Variants in CCDC50 observed in about 807,000 individuals in gnomAD.
CCDC50 encodes the protein coiled-coil domain containing 50, also known as coiled-coil domain-containing protein 50.
A neutral mutation model predicts 70.2 loss-of-function variants in CCDC50; 54 were observed. The ratio of observed to expected loss-of-function variants is 0.77; its 90% confidence interval spans 0.62 to 0.96. The LOEUF is 0.96. Among genes scored for constraint, CCDC50 ranks in the 50% least tolerant of loss-of-function variants. The pLI, the probability that CCDC50 is intolerant of heterozygous loss-of-function variation, is 0.00. For missense variants in CCDC50, 558 were observed against 578.7 expected, an observed-to-expected ratio of 0.96 and a Z score of 0.37; for synonymous variants, 216 against 198.8, an observed-to-expected ratio of 1.09 and a Z score of -0.73.
In CCDC50 at chr3:191,389,561, G is replaced by A. The variant is rs778379487; in HGVS notation, c.1388G>A (p.Ser463Asn). The A allele has an allele frequency of 1.9e-6, 3 of 1,614,040 alleles. No homozygotes were observed. In the South Asian group the frequency reaches 3.3e-5, roughly 18 times the overall value. ...ADYTHFTNQQ[S>N]STRHFSKSES... is the part of the protein sequence containing the mutation. The stretch of plus-strand genomic sequence containing the variant: ...TACACTCATTTTACAAACCAGCAGA[G>A]TTCCACACGGCATTTCTCAAAATCA... Residue 463 changes from serine to asparagine, a missense_variant, in exon 11 of 12, where the codon AGT (serine) becomes AAT (asparagine). Physicochemically the swap from Ser to Asn is conservative, Grantham distance 46. Transcript: ENST00000392455.
chr3:191,390,268 T>C (rs184244095), intron 11 of CCDC50, among the ~76,000 whole-genome samples: 42 of 152,192 alleles, frequency 2.8e-4, no homozygotes, highest in Admixed American at 5.2e-4. Flanking sequence ...ATTTAAAATA[T>C]GCATGCACAC....
In CCDC50 at chr3:191,329,401, G is replaced by A; in HGVS notation, c.-274G>A. The A allele has an allele frequency of 2.4e-6, 1 of 413,510 alleles. No homozygotes were observed. The highest frequency in any genetic ancestry group is 4.3e-5 in the East Asian group (1 of 23,164). The allele number at this position is 413,510 out of a possible 1,614,324, so 25.6% of individuals were successfully genotyped here. A position where few individuals can be genotyped will look rare whatever the true frequency, so the allele number is the denominator to read the frequency against. The stretch of plus-strand genomic sequence containing the variant: ...ACTGGACGGCCCCGGTCCATTTCCG[G>A]GCTCCGGATATTTGGTATCGATTGG... On this transcript the variant is annotated 5_prime_UTR_variant, in exon 1 of 12. Coordinates refer to ENST00000392455, the MANE Select transcript of CCDC50 (RefSeq NM_178335.3).
At chr3:191,370,108 T>C (rs995540338) in intron 5 of CCDC50, 72 bp downstream of exon 5, 2 of 1,092,100 alleles carry the variant, frequency 1.8e-6, no homozygotes, top group South Asian at 2.5e-5. Context: ...ATTTTGTTCA[T>C]AAAGTGACCT....
chr3:191,373,517 A>G (rs1439059166), intron 5 of CCDC50, among the ~76,000 whole-genome samples: 1 of 152,152 alleles, frequency 6.6e-6, no homozygotes, highest in African/African-American at 2.4e-5. Flanking sequence ...GAGTGAGCAC[A>G]TTTTTATTAA....
chr3:191,359,479 T>C (rs866625240), intron 3 of CCDC50, among the ~76,000 whole-genome samples: 4 of 152,200 alleles, frequency 2.6e-5, no homozygotes, highest in South Asian at 2.1e-4. Flanking sequence ...TTTTAAATTA[T>C]AAGGAATGGA....
chr3:191,354,088 G>A (rs375784616), intron 1 of CCDC50, among the ~76,000 whole-genome samples: 3 of 152,280 alleles, frequency 2.0e-5, no homozygotes, highest in South Asian at 2.1e-4. Flanking sequence ...TTAGCAATAT[G>A]TGCTGTTGAC....
intron 8 of CCDC50, 42 bp downstream of exon 8, chr3:191,380,773 A>G: frequency 6.2e-7 from 1 of 1,611,100 alleles, no homozygotes; most frequent in Middle Eastern, 1.7e-4. Flanking sequence ...GAAATATCCT[A>G]GTATATTTCT....
At position 191,382,779 on chromosome 3, in the gene CCDC50, A is replaced by G. The variant is rs114146378; in HGVS notation, c.1276A>G (p.Lys426Glu). ...KTAKAANSKS[K>E]ESDEPHHSKN... The stretch of plus-strand genomic sequence containing the variant: ...AGCTAAAGCAGCAAATTCCAAGTCA[A>G]AAGAGAGTGATGAACCTCACCATTC... Residue 426 changes from lysine (K) to glutamate (E), a missense_variant, in exon 10 of 12, where the codon AAA (lysine) becomes GAA (glutamate). Transcript: ENST00000392455. 417 of 1,613,188 alleles carry G rather than the reference A, an allele frequency of 2.6e-4. 3 individuals carry two copies. The African/African-American group carries it at 5.0e-3, about 20-fold the overall frequency.
intron 9 of CCDC50, among the ~76,000 whole-genome samples, chr3:191,381,771 C>G (rs1210121027): frequency 1.3e-5 from 2 of 151,978 alleles, no homozygotes; most frequent in African/African-American, 4.8e-5. Flanking sequence ...AGAATGAAAC[C>G]TAGGTTGTGT....
At chr3:191,377,122 A>G (rs1203976229) in intron 6 of CCDC50, among the ~76,000 whole-genome samples, 1 of 152,198 alleles carries the variant, frequency 6.6e-6, no homozygotes, top group Non-Finnish European at 1.5e-5. Flanking sequence ...TATTAAAACG[A>G]CTACAACATG....
rs1354343752 is a variant in CCDC50 at position 191,398,436 on chromosome 3, G to A, written c.*6676G>A. On this transcript the variant is annotated 3_prime_UTR_variant, in exon 12 of 12. Coordinates refer to ENST00000392455, the MANE Select transcript of CCDC50 (RefSeq NM_178335.3). ...AAGTCATCCATTTGTTAAGTCAGTG[G>A]TCTCTGTCTCATGTTTTTGTTTTGT... The A allele has an allele frequency of 1.3e-5, 2 of 152,058 alleles. No homozygotes were observed. The highest frequency in any genetic ancestry group is 4.8e-5 in the African/African-American group (2 of 41,390). 9.4% of individuals were successfully genotyped at this position (152,058 alleles called of 1,614,324 possible). A position where few individuals can be genotyped will look rare whatever the true frequency, so the allele number is the denominator to read the frequency against.
At chr3:191,356,447 A>AT (rs1712284424) in intron 1 of CCDC50, among the ~76,000 whole-genome samples, 1 of 152,164 alleles carries the variant, frequency 6.6e-6, no homozygotes, top group African/African-American at 2.4e-5. Flanking sequence ...TTTGTAGATT[A>AT]TTTTGGGGCA....
intron 2 of CCDC50, 90 bp downstream of exon 2, chr3:191,357,240 G>A (rs778748263): frequency 8.0e-6 from 8 of 1,000,562 alleles, no homozygotes; most frequent in Admixed American, 3.7e-5. Context: ...TGGGGAGAGA[G>A]CACAGTCACT....
chr3:191,335,928 G>A (rs1711512586), intron 1 of CCDC50, among the ~76,000 whole-genome samples: 3 of 145,764 alleles, frequency 2.1e-5, no homozygotes, highest in South Asian at 4.3e-4. Flanking sequence ...CTCAACCCCC[G>A]TTTCATGCCC....
intron 1 of CCDC50, among the ~76,000 whole-genome samples, chr3:191,342,044 A>G (rs1214723411): frequency 6.6e-6 from 1 of 152,236 alleles, no homozygotes; most frequent in Non-Finnish European, 1.5e-5. Context: ...ATCTCAAGGT[A>G]TCTTTTAGAC....
chr3:191,370,064 C>A, intron 5 of CCDC50, 28 bp downstream of exon 5: 1 of 1,446,792 alleles, frequency 6.9e-7, no homozygotes, highest in South Asian at 1.1e-5. Context: ...ATGATCTATT[C>A]TATCCTTAGA....
chr3:191,356,787 G>C (rs909179294), intron 1 of CCDC50, among the ~76,000 whole-genome samples: 4 of 152,164 alleles, frequency 2.6e-5, no homozygotes, highest in Admixed American at 6.6e-5. Flanking sequence ...TATAGAAGTG[G>C]ATTGGAATTT....
chr3:191,390,238 C>T (rs1713642981), intron 11 of CCDC50, among the ~76,000 whole-genome samples: 1 of 151,948 alleles, frequency 6.6e-6, no homozygotes, highest in Non-Finnish European at 1.5e-5. Flanking sequence ...TCCTATCTGC[C>T]CATGACTCTT....
chr3:191,365,938 G>A (rs1224430422), intron 4 of CCDC50, among the ~76,000 whole-genome samples: 3 of 152,092 alleles, frequency 2.0e-5, no homozygotes, highest in African/African-American at 7.2e-5. Context: ...TCATGTCTAT[G>A]CTTCAGAAAG....
Sources: gnomAD v4.1 joint callset for allele counts (sites outside exome capture counted in the v4.1 genomes callset) on GRCh38, gnomAD v4.1.1 for gene constraint, MANE v1.5 for transcripts, NCBI Gene and HGNC (gene_info 2026-07-23, HGNC 2026-07-21) for gene names.